The following PTPRT variants were observed in gnomAD, a reference collection of about 807,000 sequenced individuals.
The protein encoded by PTPRT is protein tyrosine phosphatase receptor type T.
In PTPRT, 56 loss-of-function variants were observed where a neutral mutation model predicts 176.8. The ratio of observed to expected loss-of-function variants is 0.32; its 90% confidence interval spans 0.26 to 0.40. The LOEUF (loss-of-function observed/expected upper bound fraction) is 0.40. Ranked by LOEUF, PTPRT falls within the 10% of genes least tolerant of loss-of-function variation. PTPRT has a pLI of 1.00. For synonymous variants in PTPRT, 783 were observed against 739.0 expected, an observed-to-expected ratio of 1.06 and a Z score of -0.96; for missense variants, 1,540 against 1,908.2, an observed-to-expected ratio of 0.81 and a Z score of 3.60.
chr20:42,194,863 G>C (rs146289104), intron 16 of PTPRT, among the ~76,000 whole-genome samples: 1 of 152,076 alleles, frequency 6.6e-6, no homozygotes, highest in Non-Finnish European at 1.5e-5. Flanking sequence ...ATATTAGAAG[G>C]TTTGATTGAA....
At chr20:42,544,019 C>G (rs12106102) in intron 7 of PTPRT, among the ~76,000 whole-genome samples, 2 of 151,992 alleles carry the variant, frequency 1.3e-5, no homozygotes, top group Non-Finnish European at 2.9e-5. Context: ...GTAGATTTAG[C>G]GTAGTGTTTA....
At chr20:42,184,607 T>TTCTTCC (rs1990689699) in intron 16 of PTPRT, among the ~76,000 whole-genome samples, 1 of 129,178 alleles carries the variant, frequency 7.7e-6, no homozygotes, top group Non-Finnish European at 1.7e-5. Context: ...CTTCTTCTTC[T>TTCTTCC]TCTTCTTCTC....
chr20:42,110,490 G>T lies in PTPRT; in HGVS notation c.3100-3C>A. The T allele has an allele frequency of 6.2e-7, 1 of 1,600,338 alleles. No homozygotes were observed. ...TCCCGGATCTCATGGTAGCCTTTCT[G>T]AGGAAAGAACGGGCCTCTGTTCTTC... On this transcript the variant is annotated splice_polypyrimidine_tract_variant and splice_region_variant and intron_variant, in intron 22 of 30. Transcript: ENST00000373187.
chr20:42,653,086 G>A (rs1375951039), intron 7 of PTPRT, among the ~76,000 whole-genome samples: 1 of 152,148 alleles, frequency 6.6e-6, no homozygotes, highest in Non-Finnish European at 1.5e-5. Context: ...GTACTCACAT[G>A]TCGTGGGAGG....
At chr20:42,245,846 G>GA (rs1474393740) in intron 14 of PTPRT, among the ~76,000 whole-genome samples, 3 of 151,890 alleles carry the variant, frequency 2.0e-5, no homozygotes, top group Admixed American at 6.6e-5. Context: ...ATTAGGAGCA[G>GA]AAAAAAAACC....
At chr20:42,979,769 C>G (rs1294559889) in intron 1 of PTPRT, among the ~76,000 whole-genome samples, 1 of 152,066 alleles carries the variant, frequency 6.6e-6, no homozygotes, top group African/African-American at 2.4e-5. Context: ...TGATTCTCCC[C>G]AGGGAGTATA....
chr20:42,991,019 C>T (rs1373491687), intron 1 of PTPRT, among the ~76,000 whole-genome samples: 1 of 152,070 alleles, frequency 6.6e-6, no homozygotes, highest in Admixed American at 6.6e-5. Context: ...GAAAGGAAAG[C>T]TTTACAGGTC....
At chr20:42,390,557 A>G (rs2058791094) in intron 9 of PTPRT, among the ~76,000 whole-genome samples, 1 of 152,212 alleles carries the variant, frequency 6.6e-6, no homozygotes, top group African/African-American at 2.4e-5. Flanking sequence ...CATGAAATGT[A>G]TTATAATTTC....
At position 42,131,470 on chromosome 20, in the gene PTPRT, G is replaced by A. The variant is rs993570912; in HGVS notation, c.2771-2640C>T. On this transcript the variant is annotated intron_variant, in intron 18 of 30. Transcript: ENST00000373187. ...AGATTGTGGTTTAAAATGTTGAAAGGGAATTTTTAAAATATAAAATGAAGT... is the reference window on the plus strand; with the variant it reads ...AGATTGTGGTTTAAAATGTTGAAAGAGAATTTTTAAAATATAAAATGAAGT... Among the ~76,000 whole-genome samples, 8 of 152,076 alleles carry A rather than the reference G, an allele frequency of 5.3e-5. No individual in the cohort carries two copies. In the South Asian group the frequency reaches 6.2e-4, roughly 12 times the overall value.
At chr20:42,184,518 C>CTTCCTCTT (rs1555797923) in intron 16 of PTPRT, among the ~76,000 whole-genome samples, 86 of 54,476 alleles carry the variant, frequency 1.6e-3, no homozygotes, top group African/African-American at 4.1e-3. Flanking sequence ...TCCTCCTCCT[C>CTTCCTCTT]CTTCTTCTTC....
At chr20:42,661,217 C>T (rs573989774) in intron 7 of PTPRT, among the ~76,000 whole-genome samples, 6 of 152,110 alleles carry the variant, frequency 3.9e-5, no homozygotes, top group South Asian at 2.1e-4. Context: ...AGGTCCTTTG[C>T]GAAGTGACTT....
chr20:42,790,224 T>TAA (rs3091721), intron 3 of PTPRT, among the ~76,000 whole-genome samples: 2 of 144,134 alleles, frequency 1.4e-5, no homozygotes, highest in Non-Finnish European at 1.5e-5. Flanking sequence ...ATAACATTGT[T>TAA]AAAAAAAAAA....
In PTPRT at chr20:43,071,737, A is replaced by G. The variant is rs545448167; in HGVS notation, c.88+117909T>C. 7.2e-5 allele frequency among the ~76,000 whole-genome samples: 11 copies of G among 152,376 alleles called. No homozygotes were observed. The East Asian group carries it at 1.4e-3, about 19-fold the overall frequency. ...GAGGTGGAGATTGCAGTGAGCCAAG[A>G]TCGTGCCATTGCACTCCAGCCTGGG... On this transcript the variant is annotated intron_variant, in intron 1 of 30. Coordinates refer to ENST00000373187, the MANE Select transcript of PTPRT (RefSeq NM_007050.6).
intron 3 of PTPRT, among the ~76,000 whole-genome samples, chr20:42,785,774 T>C (rs961142469): frequency 2.6e-5 from 4 of 152,204 alleles, no homozygotes; most frequent in African/African-American, 9.7e-5. Context: ...ACACTGGCTA[T>C]TTCTTTTAAA....
intron 7 of PTPRT, among the ~76,000 whole-genome samples, chr20:42,646,950 A>G (rs746207278): frequency 2.4e-5 from 3 of 126,176 alleles, no homozygotes; most frequent in Non-Finnish European, 4.6e-5. Context: ...GCTGCAGTGC[A>G]GTGGCGTGAA....
intron 10 of PTPRT, among the ~76,000 whole-genome samples, 159 bp from the exon 11 acceptor site, chr20:42,350,889 C>G (rs2058274010): frequency 6.6e-6 from 1 of 152,178 alleles, no homozygotes; most frequent in Admixed American, 6.5e-5. Context: ...GTAAAGGAGG[C>G]CCCGATGCCC....
At chr20:42,675,138 C>T (rs566043500) in intron 7 of PTPRT, among the ~76,000 whole-genome samples, 2 of 152,282 alleles carry the variant, frequency 1.3e-5, no homozygotes, top group Non-Finnish European at 2.9e-5. Flanking sequence ...AGCTTTCCTT[C>T]CACCACTTCA....
intron 1 of PTPRT, among the ~76,000 whole-genome samples, chr20:43,048,661 T>C (rs1041280905): frequency 6.6e-6 from 1 of 152,142 alleles, no homozygotes; most frequent in East Asian, 1.9e-4. Flanking sequence ...TCTAAGAATA[T>C]TGGCCATTAT....
rs1318082512 is a variant in PTPRT at position 42,363,525 on chromosome 20, G to A, written c.1561-11240C>T. Among the ~76,000 whole-genome samples the A allele has an allele frequency of 2.0e-5, 3 of 151,104 alleles. No homozygotes were observed. In the East Asian group the frequency reaches 5.9e-4, roughly 30 times the overall value. On this transcript the variant is annotated intron_variant, in intron 9 of 30. Coordinates refer to ENST00000373187, the MANE Select transcript of PTPRT (RefSeq NM_007050.6). Reference sequence around the variant, plus strand: ...GGGTTTCTCCATGTTGGTCAGGCTGGTTTCAAACTCCTGACCTCAGGTGAT... The same window carrying A: ...GGGTTTCTCCATGTTGGTCAGGCTGATTTCAAACTCCTGACCTCAGGTGAT...
Sources: gnomAD v4.1 joint callset for allele counts (sites outside exome capture counted in the v4.1 genomes callset) on GRCh38, gnomAD v4.1.1 for gene constraint, MANE v1.5 for transcripts, NCBI Gene and HGNC (gene_info 2026-07-23, HGNC 2026-07-21) for gene names.